Variants in CXCL13 observed in about 807,000 individuals in gnomAD.
The protein encoded by CXCL13 is C-X-C motif chemokine 13.
CXCL13 carries 7 observed loss-of-function variants against 12.2 expected under a neutral mutation model. The ratio of observed to expected loss-of-function variants is 0.57; its 90% CI spans 0.33 to 1.07. CXCL13 has a LOEUF of 1.07. Among genes scored for constraint, CXCL13 ranks in the 50% least tolerant of loss-of-function variants. The pLI is 0.04. For synonymous variants in CXCL13, 47 were observed against 42.4 expected (o/e 1.11, Z -0.42); for missense variants, 113 against 127.4 (o/e 0.89, Z 0.55).
intron 1 of CXCL13, among the ~76,000 whole-genome samples, chr4:77,595,098 AT>A (rs58429511): frequency 0.86 from 122,319 of 141,438 alleles, 52,951 homozygotes; most frequent in East Asian, 0.99. Context: ...GTTTTAGGTG[AT>A]TTTTTTTTTT....
chr4:77,543,235 T>A (rs1725251104), intron 1 of CXCL13, among the ~76,000 whole-genome samples: 1 of 152,118 alleles, frequency 6.6e-6, no homozygotes, highest in Non-Finnish European at 1.5e-5. Context: ...TGGTTGTGCT[T>A]ATTTTTCCTG....
intron 1 of CXCL13, among the ~76,000 whole-genome samples, chr4:77,586,455 A>G (rs1726461989): frequency 6.6e-6 from 1 of 152,206 alleles, no homozygotes; most frequent in South Asian, 2.1e-4. Context: ...TTTACTGCAT[A>G]TCTCTTGCCA....
At chr4:77,532,909 T>C (rs747382915) in intron 1 of CXCL13, among the ~76,000 whole-genome samples, 21 of 152,192 alleles carry the variant, frequency 1.4e-4, no homozygotes, top group Non-Finnish European at 2.6e-4. Context: ...AGGAGTTCTC[T>C]GCATTGATTA....
chr4:77,540,782 G>A (rs1725189595), intron 1 of CXCL13, among the ~76,000 whole-genome samples: 3 of 152,126 alleles, frequency 2.0e-5, no homozygotes, highest in South Asian at 2.1e-4. Context: ...GGAAGTAATA[G>A]GGTTGCTGGG....
At chr4:77,540,200 G>C (rs1158867432) in intron 1 of CXCL13, among the ~76,000 whole-genome samples, 1 of 152,020 alleles carries the variant, frequency 6.6e-6, no homozygotes, top group Non-Finnish European at 1.5e-5. Context: ...CACTTCATGA[G>C]GGTTCTGCAA....
At chr4:77,550,576 A>T in intron 1 of CXCL13, among the ~76,000 whole-genome samples, 1 of 152,176 alleles carries the variant, frequency 6.6e-6, no homozygotes, top group East Asian at 1.9e-4. Flanking sequence ...CTATTTGCAG[A>T]TGAGAAAAAT....
At chr4:77,536,647 C>T (rs1223340350) in intron 1 of CXCL13, among the ~76,000 whole-genome samples, 2 of 152,168 alleles carry the variant, frequency 1.3e-5, no homozygotes, top group Non-Finnish European at 2.9e-5. Flanking sequence ...ACTCCATAAG[C>T]ATTAGCCATT....
intron 1 of CXCL13, among the ~76,000 whole-genome samples, chr4:77,576,722 A>G (rs1726207273): frequency 6.6e-6 from 1 of 152,206 alleles, no homozygotes; most frequent in Non-Finnish European, 1.5e-5. Context: ...TTCCTTGTGA[A>G]ACAGAGTTCC....
intron 1 of CXCL13, among the ~76,000 whole-genome samples, chr4:77,512,000 C>G (rs1724284659): frequency 6.6e-6 from 1 of 152,202 alleles, no homozygotes; most frequent in Non-Finnish European, 1.5e-5. Flanking sequence ...TGCCATGGAG[C>G]ACCTTGAAGA....
At chr4:77,565,927 G>A (rs931202946) in intron 1 of CXCL13, among the ~76,000 whole-genome samples, 3 of 152,208 alleles carry the variant, frequency 2.0e-5, no homozygotes, top group African/African-American at 4.8e-5. Flanking sequence ...CACAAAGGTA[G>A]CAATAGCATA....
intron 1 of CXCL13, among the ~76,000 whole-genome samples, chr4:77,555,547 A>G (rs1274899325): frequency 6.6e-6 from 1 of 152,138 alleles, no homozygotes; most frequent in Non-Finnish European, 1.5e-5. Context: ...CTAAATGTAA[A>G]AATAAAAATT....
rs938186190 is a variant in CXCL13, at chr4:77,549,090, C to T, written c.-43+37302C>T. ...TCTCACTTCATTTCATACATTTGATCTTCAATCACTGATATCCTTTCTTCC... is the reference window on the plus strand; with the variant it reads ...TCTCACTTCATTTCATACATTTGATTTTCAATCACTGATATCCTTTCTTCC... On this transcript the variant is annotated intron_variant, in intron 1 of 4. Transcript: ENST00000286758. Among the ~76,000 whole-genome samples, 4 of 152,098 alleles carry T rather than the reference C, an allele frequency of 2.6e-5. No homozygotes were observed. In the East Asian group the frequency reaches 7.7e-4, roughly 29 times the overall value.
intron 1 of CXCL13, among the ~76,000 whole-genome samples, chr4:77,521,992 T>G (rs548490229): frequency 3.5e-4 from 54 of 152,330 alleles, no homozygotes; most frequent in Admixed American, 9.2e-4. Context: ...AGGAACAGGT[T>G]GTTCAGTTTC....
chr4:77,533,287 G>C (rs894942259), intron 1 of CXCL13, among the ~76,000 whole-genome samples: 1 of 152,242 alleles, frequency 6.6e-6, no homozygotes, highest in African/African-American at 2.4e-5. Context: ...GTTGGAGTTT[G>C]CTGGAGGTCT....
chr4:77,519,666 C>T (rs527379688), intron 1 of CXCL13, among the ~76,000 whole-genome samples: 1 of 152,224 alleles, frequency 6.6e-6, no homozygotes, highest in African/African-American at 2.4e-5. Context: ...CTGTAGGTTG[C>T]CTGTTCACTG....
intron 1 of CXCL13, among the ~76,000 whole-genome samples, chr4:77,539,718 A>G (rs1725155657): frequency 6.6e-6 from 1 of 152,204 alleles, no homozygotes; most frequent in Non-Finnish European, 1.5e-5. Flanking sequence ...GAAGCTGCTG[A>G]TCACCAGTTT....
At position 77,587,513 on chromosome 4, in the gene CXCL13, C is replaced by T. The variant is rs141148340; in HGVS notation, c.-42-18311C>T. ...GAGGTGGTACTTGGTACAATGGTGGCTCATAGGAGGGAGAGACAGAATTGC... is the reference window on the plus strand; with the variant it reads ...GAGGTGGTACTTGGTACAATGGTGGTTCATAGGAGGGAGAGACAGAATTGC... On this transcript the variant is annotated intron_variant, in intron 1 of 4. Coordinates refer to the CXCL13 transcript ENST00000286758. Among the ~76,000 whole-genome samples, 12 of 152,286 alleles carry T rather than the reference C, an allele frequency of 7.9e-5. No homozygotes were observed. In the East Asian group the frequency reaches 2.3e-3, roughly 29 times the overall value.
intron 1 of CXCL13, among the ~76,000 whole-genome samples, chr4:77,580,308 C>CTT (rs1015001550): frequency 0.011 from 201 of 17,610 alleles, 67 homozygotes; most frequent in Admixed American, 0.012. Context: ...AGTTTTCTTT[C>CTT]TTTTTTTTTT....
At chr4:77,565,673 A>C (rs536097723) in intron 1 of CXCL13, among the ~76,000 whole-genome samples, 1 of 152,200 alleles carries the variant, frequency 6.6e-6, no homozygotes, top group African/African-American at 2.4e-5. Flanking sequence ...AGTGTAAAAC[A>C]GGGTGATCCT....
Sources: gnomAD v4.1 joint callset for allele counts (sites outside exome capture counted in the v4.1 genomes callset) on GRCh38, gnomAD v4.1.1 for gene constraint, MANE v1.5 for transcripts, NCBI Gene and HGNC (gene_info 2026-07-23, HGNC 2026-07-21) for gene names.